The following PCDH15 variants were observed in gnomAD, a reference collection of about 807,000 sequenced individuals.
The protein encoded by PCDH15 is protocadherin related 15.
PCDH15 carries 129 observed loss-of-function variants against 178.5 expected under a neutral mutation model. The ratio of observed to expected loss-of-function variants is 0.72; its 90% CI spans 0.63 to 0.84. The LOEUF (loss-of-function observed/expected upper bound fraction) is 0.84, where lower values mean the gene tolerates loss of function less well. Ranked by LOEUF, PCDH15 falls within the 40% of genes least tolerant of loss-of-function variation. PCDH15 has a pLI of 0.00. For missense variants in PCDH15, 2,230 were observed against 2,099.9 expected (o/e 1.06, Z -1.21); for synonymous variants, 800 against 732.0 (o/e 1.09, Z -1.50).
intron 3 of PCDH15, among the ~76,000 whole-genome samples, chr10:54,830,680 C>G (rs1050735384): frequency 1.3e-5 from 2 of 151,558 alleles, no homozygotes; most frequent in South Asian, 4.2e-4. Flanking sequence ...CACATGTATA[C>G]ATATGTAACA....
At chr10:54,313,878 T>C (rs12572963) in intron 8 of PCDH15, among the ~76,000 whole-genome samples, 12,950 of 152,052 alleles carry the variant, frequency 0.085, 668 homozygotes, top group Admixed American at 0.14. Flanking sequence ...TGATTCTTTG[T>C]AAAATTAAGT....
Position 55,248,788 on chromosome 10 carries a change from C to T in PCDH15, c.-156+70811G>A, listed in dbSNP as rs1039454624. The stretch of plus-strand genomic sequence containing the variant: ...CCCAGGCTGGTCTCCAACTCCTGGC[C>T]TCAAGTGATTCCCCCACCTCAGCCT... On this transcript the variant is annotated intron_variant, in intron 1 of 5. Transcript: ENST00000458638. 2.0e-5 allele frequency among the ~76,000 whole-genome samples: 3 copies of T among 152,118 alleles called. No individual in the cohort carries two copies. The South Asian group carries it at 6.2e-4, about 32-fold the overall frequency.
chr10:55,250,870 C>A (rs1391444604), intron 1 of PCDH15, among the ~76,000 whole-genome samples: 1 of 152,008 alleles, frequency 6.6e-6, no homozygotes, highest in African/African-American at 2.4e-5. Flanking sequence ...ACTATATGTT[C>A]TTTTTGCTTT....
intron 26 of PCDH15, among the ~76,000 whole-genome samples, chr10:53,868,087 C>T (rs1218056376): frequency 1.3e-5 from 2 of 151,654 alleles, no homozygotes; most frequent in Admixed American, 6.6e-5. Flanking sequence ...ATGTCTATTT[C>T]AGAACCATTT....
At chr10:54,660,437 GACATATAATGAGTTATGAA>G (rs1296922732) in intron 2 of PCDH15, among the ~76,000 whole-genome samples, 1 of 151,884 alleles carries the variant, frequency 6.6e-6, no homozygotes, top group African/African-American at 2.4e-5. Flanking sequence ...ATCCTGAAGA[GACATATAATGAGTTATGAA>G]ATTGAATTAG....
At chr10:54,408,209 A>G (rs1952963065) in intron 3 of PCDH15, among the ~76,000 whole-genome samples, 1 of 151,854 alleles carries the variant, frequency 6.6e-6, no homozygotes, top group South Asian at 2.1e-4. Context: ...CTCTATATAG[A>G]ACTATATTTT....
intron 21 of PCDH15, among the ~76,000 whole-genome samples, chr10:53,962,958 T>A (rs2088525692): frequency 1.3e-5 from 2 of 152,146 alleles, no homozygotes; most frequent in East Asian, 3.9e-4. Flanking sequence ...AGAGAACTAG[T>A]ATGTGGTAAA....
chr10:54,982,874 T>C (rs1839274009), intron 2 of PCDH15, among the ~76,000 whole-genome samples: 1 of 152,148 alleles, frequency 6.6e-6, no homozygotes, highest in African/African-American at 2.4e-5. Flanking sequence ...TGGCATTTAT[T>C]ATCAAACCCA....
chr10:55,581,657 C>T (rs1048463262), intron 2 of PCDH15, among the ~76,000 whole-genome samples: 2 of 151,840 alleles, frequency 1.3e-5, no homozygotes, highest in South Asian at 2.1e-4. Context: ...ATTTTAGTTC[C>T]TTGATGTATT....
At chr10:54,230,657 A>T (rs1207156328) in intron 9 of PCDH15, among the ~76,000 whole-genome samples, 1 of 152,172 alleles carries the variant, frequency 6.6e-6, no homozygotes, top group Non-Finnish European at 1.5e-5. Context: ...TTGATAAAAA[A>T]ATTTAAACCA....
At chr10:55,233,262 G>T (rs941406462) in intron 1 of PCDH15, among the ~76,000 whole-genome samples, 1 of 151,930 alleles carries the variant, frequency 6.6e-6, no homozygotes, top group African/African-American at 2.4e-5. Context: ...ATATACAAAA[G>T]CTTTTGCTTT....
At chr10:54,403,213 C>T (rs1952163639) in intron 3 of PCDH15, among the ~76,000 whole-genome samples, 1 of 151,938 alleles carries the variant, frequency 6.6e-6, no homozygotes, top group South Asian at 2.1e-4. Context: ...TAGCTCTCTA[C>T]ATAGCTATGA....
chr10:53,946,104 T>C (rs946936244), intron 23 of PCDH15, among the ~76,000 whole-genome samples: 1 of 151,744 alleles, frequency 6.6e-6, no homozygotes, highest in Non-Finnish European at 1.5e-5. Flanking sequence ...ATCAGAAAAA[T>C]AAAAGTTAAA....
chr10:55,531,563 A>G (rs1417454129), intron 2 of PCDH15, among the ~76,000 whole-genome samples: 1 of 152,024 alleles, frequency 6.6e-6, no homozygotes, highest in Non-Finnish European at 1.5e-5. Context: ...GGGCAATATG[A>G]CTACCCTTCA....
intron 18 of PCDH15, among the ~76,000 whole-genome samples, chr10:54,045,380 T>G (rs79558169): frequency 0.017 from 2,629 of 152,222 alleles, 90 homozygotes; most frequent in African/African-American, 0.06. Context: ...TAGAAATTAT[T>G]GGCTCTTTAT....
At chr10:55,503,289 T>C (rs1430771707) in intron 2 of PCDH15, among the ~76,000 whole-genome samples, 1 of 150,256 alleles carries the variant, frequency 6.7e-6, no homozygotes, top group Non-Finnish European at 1.5e-5. Context: ...ATGCATAATT[T>C]GAATTAAATT....
At chr10:54,607,834 T>C (rs1430605629) in intron 2 of PCDH15, 3 of 526,278 alleles carry the variant, frequency 5.7e-6, no homozygotes, top group Admixed American at 4.0e-5. Flanking sequence ...AGAGATATGA[T>C]GCCATGAGGC....
At chr10:54,938,348 A>C (rs1837959200) in intron 2 of PCDH15, among the ~76,000 whole-genome samples, 1 of 149,698 alleles carries the variant, frequency 6.7e-6, no homozygotes, top group African/African-American at 2.4e-5. Context: ...GTATTAAGTG[A>C]AATTTTTTTG....
chr10:53,992,556 T>C (rs1409471725), intron 21 of PCDH15, among the ~76,000 whole-genome samples: 2 of 152,194 alleles, frequency 1.3e-5, no homozygotes, highest in African/African-American at 4.8e-5. Context: ...GTTCACATAC[T>C]CACAAAAGAC....
Sources: gnomAD v4.1 joint callset for allele counts (sites outside exome capture counted in the v4.1 genomes callset) on GRCh38, gnomAD v4.1.1 for gene constraint, MANE v1.5 for transcripts, NCBI Gene and HGNC (gene_info 2026-07-23, HGNC 2026-07-21) for gene names.